Variants in CCDC85A observed in about 807,000 individuals in gnomAD.
The protein encoded by CCDC85A is coiled-coil domain-containing protein 85A.
Under a neutral mutation model 50.2 loss-of-function variants are expected in CCDC85A, and 38 were observed. That is an observed-to-expected ratio of 0.76 (90% CI 0.58 to 0.99). CCDC85A has a LOEUF of 0.99. Ranked by LOEUF, CCDC85A falls within the 50% of genes least tolerant of loss-of-function variation. The pLI, the probability that CCDC85A is intolerant of heterozygous loss-of-function variation, is 0.00. For missense variants in CCDC85A, 820 were observed against 742.0 expected, an observed-to-expected ratio of 1.11 and a Z score of -1.22; for synonymous variants, 366 against 301.4, an observed-to-expected ratio of 1.21 and a Z score of -2.22.
chr2:56,288,172 AT>A (rs1292026462), intron 2 of CCDC85A, among the ~76,000 whole-genome samples: 8 of 152,136 alleles, frequency 5.3e-5, no homozygotes, highest in Admixed American at 2.6e-4. Flanking sequence ...AGGTCTTCAG[AT>A]TTGTGTGATG....
chr2:56,201,706 A>G (rs1676754333), intron 2 of CCDC85A, among the ~76,000 whole-genome samples: 1 of 152,186 alleles, frequency 6.6e-6, no homozygotes, highest in Non-Finnish European at 1.5e-5. Context: ...GCATATTTAT[A>G]TATGCATATA....
At chr2:56,274,374 G>A (rs1324344831) in intron 2 of CCDC85A, among the ~76,000 whole-genome samples, 1 of 152,140 alleles carries the variant, frequency 6.6e-6, no homozygotes, top group Admixed American at 6.5e-5. Context: ...GAAATTTTTA[G>A]GGCTGGCTGG....
At chr2:56,317,766 T>A (rs1278034750) in intron 2 of CCDC85A, among the ~76,000 whole-genome samples, 1 of 152,088 alleles carries the variant, frequency 6.6e-6, no homozygotes, top group African/African-American at 2.4e-5. Flanking sequence ...CTCTAAGTTG[T>A]TCACAGATCT....
intron 2 of CCDC85A, among the ~76,000 whole-genome samples, chr2:56,339,096 G>A (rs1298071135): frequency 1.3e-5 from 2 of 152,168 alleles, no homozygotes; most frequent in South Asian, 2.1e-4. Flanking sequence ...TGTGTGTTCT[G>A]AGAAAGTTAT....
intron 2 of CCDC85A, among the ~76,000 whole-genome samples, chr2:56,270,379 A>G (rs1208578339): frequency 2.6e-5 from 4 of 152,228 alleles, no homozygotes; most frequent in Non-Finnish European, 5.9e-5. Context: ...TCAGTCATGT[A>G]GAATGTTGCC....
intron 5 of CCDC85A, among the ~76,000 whole-genome samples, chr2:56,376,400 T>C (rs1304717045): frequency 6.6e-6 from 1 of 152,180 alleles, no homozygotes; most frequent in Admixed American, 6.5e-5. Flanking sequence ...ACCTACTCTT[T>C]CCTCTTCTAA....
At chr2:56,298,593 G>A (rs1672061444) in intron 2 of CCDC85A, among the ~76,000 whole-genome samples, 1 of 152,098 alleles carries the variant, frequency 6.6e-6, no homozygotes, top group African/African-American at 2.4e-5. Context: ...GATGAATTTA[G>A]GGAATCTTTT....
At chr2:56,368,961 A>G (rs2104385676) in intron 3 of CCDC85A, among the ~76,000 whole-genome samples, 1 of 152,160 alleles carries the variant, frequency 6.6e-6, no homozygotes, top group East Asian at 1.9e-4. Context: ...CCTTGACTTC[A>G]TTACTAATTA....
rs750889865 is a variant in CCDC85A at position 56,193,274 on chromosome 2, C to G, written c.1074C>G (p.Ser358Arg). The G allele has an allele frequency of 5.6e-6, 9 of 1,613,828 alleles. No individual in the cohort carries two copies. Among genetic ancestry groups the G allele is most frequent in the Admixed American group, 1.7e-5 (1 of 60,004 alleles). Residue 358 changes from serine (S) to arginine (R), a missense_variant, in exon 2 of 6, where the codon AGC (serine) becomes AGG (arginine). Physicochemically the swap from Ser to Arg is moderately radical, Grantham distance 110. Transcript: ENST00000407595. ...ATCTCCCCAGAGCCAGGGGCACCAG[C>G]CCGGAGCACCTCAAACAACATTATG... The part of the protein sequence containing the change: ...LEHLPRARGT[S>R]PEHLKQHYGG...
At chr2:56,301,473 A>G (rs1672198521) in intron 2 of CCDC85A, among the ~76,000 whole-genome samples, 3 of 152,214 alleles carry the variant, frequency 2.0e-5, no homozygotes, top group Admixed American at 1.3e-4. Flanking sequence ...TATATTTTAT[A>G]TAAGTGCCCC....
chr2:56,327,569 T>G (rs540372338), intron 2 of CCDC85A, among the ~76,000 whole-genome samples: 7 of 152,186 alleles, frequency 4.6e-5, no homozygotes, highest in Non-Finnish European at 8.8e-5. Context: ...TTAAAACATT[T>G]TTAAGCTGTG....
At chr2:56,222,492 T>C (rs898554313) in intron 2 of CCDC85A, among the ~76,000 whole-genome samples, 7 of 152,128 alleles carry the variant, frequency 4.6e-5, no homozygotes, top group African/African-American at 1.4e-4. Flanking sequence ...GAATATTCCC[T>C]GTTAGACCCA....
chr2:56,254,458 T>C (rs983151362), intron 2 of CCDC85A, among the ~76,000 whole-genome samples: 1 of 152,224 alleles, frequency 6.6e-6, no homozygotes, highest in African/African-American at 2.4e-5. Flanking sequence ...TATTGATTAA[T>C]TAATTCATGT....
Position 56,185,021 on chromosome 2 carries a change from C to A in CCDC85A, c.276+121C>A, listed in dbSNP as rs983704963. On this transcript the variant is annotated intron_variant, in intron 1 of 5. Coordinates refer to ENST00000407595, the MANE Select transcript of CCDC85A (RefSeq NM_001080433.2). ...CAGGTGACCCTCCCCTTCTCCCGGT[C>A]GGCACCCCCTACCCCCAGTCCCCAG... The A allele has an allele frequency of 3.2e-6, 4 of 1,236,180 alleles. No homozygotes were observed. In the African/African-American group the frequency reaches 4.8e-5, roughly 15 times the overall value. 76.6% of individuals were successfully genotyped at this position (1,236,180 alleles called of 1,614,324 possible).
chr2:56,327,834 A>AG (rs1673556248), intron 2 of CCDC85A, among the ~76,000 whole-genome samples: 1 of 101,838 alleles, frequency 9.8e-6, no homozygotes, highest in Admixed American at 8.4e-5. Context: ...AGTAAGGCAA[A>AG]AAAAAAAAAA....
intron 3 of CCDC85A, among the ~76,000 whole-genome samples, chr2:56,364,042 A>T (rs1020626214): frequency 2.6e-5 from 4 of 152,196 alleles, no homozygotes; most frequent in East Asian, 1.9e-4. Context: ...AGTGTTTCTC[A>T]CTGGGAGTTC....
chr2:56,192,662 G>T lies in CCDC85A; in HGVS notation c.462G>T (p.Lys154Asn), dbSNP rs1174472828. ...YLQKLKDLEV[K>N]QEEVVKENME... The stretch of plus-strand genomic sequence containing the variant: ...AGAAGCTGAAAGACCTGGAGGTGAA[G>T]CAGGAGGAAGTGGTGAAGGAGAACA... Residue 154 changes from lysine to asparagine, a missense_variant, in exon 2 of 6, where the codon AAG becomes AAT. Transcript: ENST00000407595. This position sits in a 1 kb window ranked among gnomAD's most constrained non-coding sequence, Gnocchi z 4.7. 1 of 1,613,928 alleles carries T rather than the reference G, an allele frequency of 6.2e-7. No individual in the cohort carries two copies. Among genetic ancestry groups the T allele is most frequent in the Admixed American group, 1.7e-5 (1 of 60,008 alleles).
chr2:56,360,980 G>A (rs11674032), intron 3 of CCDC85A, among the ~76,000 whole-genome samples: 12,120 of 152,284 alleles, frequency 0.08, 634 homozygotes, highest in Non-Finnish European at 0.11. Context: ...GAGGCCAGGC[G>A]TGGTGGCTCA....
At chr2:56,347,431 C>T (rs1310215729) in intron 3 of CCDC85A, among the ~76,000 whole-genome samples, 1 of 152,184 alleles carries the variant, frequency 6.6e-6, no homozygotes, top group Non-Finnish European at 1.5e-5. Flanking sequence ...TTTTTTCCAA[C>T]ATTTATCTTA....
Sources: gnomAD v4.1 joint callset for allele counts (sites outside exome capture counted in the v4.1 genomes callset) on GRCh38, gnomAD v4.1.1 for gene constraint, Gnocchi (gnomAD v3.1) non-coding constraint, MANE v1.5 for transcripts, NCBI Gene and HGNC (gene_info 2026-07-23, HGNC 2026-07-21) for gene names.